Variants in GRIK2 observed in about 807,000 individuals in gnomAD.
The protein encoded by GRIK2 is glutamate receptor ionotropic, kainate 2.
Under a neutral mutation model 100.3 loss-of-function variants are expected in GRIK2, and 32 were observed. The ratio of observed to expected loss-of-function variants is 0.32; its 90% CI spans 0.24 to 0.43. The LOEUF is 0.43. GRIK2 is among the 20% of genes least tolerant of loss of function. The pLI is 1.00. For synonymous variants in GRIK2, 417 were observed against 389.4 expected (o/e 1.07, Z -0.83); for missense variants, 843 against 1,114.9 (o/e 0.76, Z 3.47).
chr6:102,014,594 T>G (rs1017325492), intron 14 of GRIK2, among the ~76,000 whole-genome samples: 15 of 151,382 alleles, frequency 9.9e-5, no homozygotes, highest in Admixed American at 9.2e-4. Context: ...TATAAATGTG[T>G]CCCAGAAATT....
In GRIK2 at chr6:101,565,917, ATATATATATATATATGTG is replaced by A. The variant is rs1271113309; in HGVS notation, c.116-56016_116-55999del. On this transcript the variant is annotated intron_variant, in intron 2 of 16. Coordinates refer to ENST00000369134, the MANE Select transcript of GRIK2 (RefSeq NM_021956.5). ...ATCTTTATCTTTATATACCTATTTT[ATATATATATATATATGTG>A]TATATATATATATATATATATATAA... Among the ~76,000 whole-genome samples the A allele has an allele frequency of 2.5e-3, 192 of 76,792 alleles. 5 individuals are homozygous for A. The highest frequency in any genetic ancestry group is 8.4e-3 in the African/African-American group (181 of 21,564). The allele number at this position is 76,792 out of a possible 152,430, so 50.4% of individuals were successfully genotyped here.
At chr6:102,010,313 C>T (rs1795460363) in intron 14 of GRIK2, among the ~76,000 whole-genome samples, 1 of 151,846 alleles carries the variant, frequency 6.6e-6, no homozygotes, top group South Asian at 2.1e-4. Flanking sequence ...TTTCACTGCC[C>T]TAATCCTGTG....
chr6:101,732,384 C>T (rs1396752888), intron 7 of GRIK2, among the ~76,000 whole-genome samples: 2 of 151,926 alleles, frequency 1.3e-5, no homozygotes, highest in African/African-American at 4.8e-5. Flanking sequence ...GAGATTTTTA[C>T]ATTAAGTGAT....
At chr6:101,811,356 A>C (rs1187776786) in intron 9 of GRIK2, among the ~76,000 whole-genome samples, 1 of 152,042 alleles carries the variant, frequency 6.6e-6, no homozygotes, top group East Asian at 1.9e-4. Flanking sequence ...TTTCTTTTTT[A>C]CATTTTTACA....
chr6:101,706,710 G>A (rs373948509), intron 7 of GRIK2, among the ~76,000 whole-genome samples: 1 of 151,988 alleles, frequency 6.6e-6, no homozygotes. Context: ...TCTTAGCCAG[G>A]CCAATGGGGA....
At chr6:101,417,213 A>G (rs1776191141) in intron 2 of GRIK2, among the ~76,000 whole-genome samples, 2 of 152,170 alleles carry the variant, frequency 1.3e-5, no homozygotes, top group African/African-American at 2.4e-5. Flanking sequence ...ATTGCATGGG[A>G]AAAACATGCC....
At position 101,884,031 on chromosome 6, in the gene GRIK2, G is replaced by A. The variant is rs147678001; in HGVS notation, c.1525-5609G>A. Among the ~76,000 whole-genome samples, 7 of 152,228 alleles carry A rather than the reference G, an allele frequency of 4.6e-5. No homozygotes were observed. In the East Asian group the frequency reaches 1.4e-3, roughly 29 times the overall value. ...GAATGAAAATAGGGGACCAGTTGGA[G>A]TCCATTGTAAGAGTTCAGGCAATGT... On this transcript the variant is annotated intron_variant, in intron 11 of 16. Transcript: ENST00000369134.
At chr6:101,538,631 AC>A (rs1196676928) in intron 2 of GRIK2, among the ~76,000 whole-genome samples, 9 of 151,124 alleles carry the variant, frequency 6.0e-5, no homozygotes, top group Admixed American at 4.6e-4. Context: ...TTTAAATTCA[AC>A]CCTGCTTGTA....
intron 10 of GRIK2, among the ~76,000 whole-genome samples, chr6:101,831,014 G>GATACC (rs1296037731): frequency 6.6e-6 from 1 of 151,984 alleles, no homozygotes. Context: ...CATCCTATTG[G>GATACC]ATACCACATT....
chr6:101,834,173 T>C (rs1782896047), intron 10 of GRIK2, among the ~76,000 whole-genome samples: 1 of 152,118 alleles, frequency 6.6e-6, no homozygotes, highest in Non-Finnish European at 1.5e-5. Flanking sequence ...ATAAATTTTA[T>C]AATCTCAATT....
intron 3 of GRIK2, among the ~76,000 whole-genome samples, chr6:101,623,744 G>A (rs1028614829): frequency 1.3e-5 from 2 of 152,066 alleles, no homozygotes; most frequent in African/African-American, 4.8e-5. Context: ...AAAACTCACT[G>A]GGAATCAAAT....
intron 15 of GRIK2, among the ~76,000 whole-genome samples, chr6:102,053,794 T>C (rs1458171897): frequency 6.6e-6 from 1 of 152,084 alleles, no homozygotes; most frequent in East Asian, 1.9e-4. Context: ...TTGTAATGTA[T>C]TTAGGAAAAT....
At chr6:102,049,435 G>T (rs990342959) in intron 15 of GRIK2, among the ~76,000 whole-genome samples, 3 of 152,092 alleles carry the variant, frequency 2.0e-5, no homozygotes, top group East Asian at 1.9e-4. Flanking sequence ...TAAAAGAAAA[G>T]AATTTATGGG....
At chr6:101,819,615 C>T (rs1482864825) in intron 10 of GRIK2, among the ~76,000 whole-genome samples, 1 of 152,142 alleles carries the variant, frequency 6.6e-6, no homozygotes, top group Non-Finnish European at 1.5e-5. Context: ...AGATAACTCC[C>T]ATACCCACCA....
At chr6:102,030,801 G>A (rs1219831897) in intron 14 of GRIK2, among the ~76,000 whole-genome samples, 2 of 150,674 alleles carry the variant, frequency 1.3e-5, no homozygotes, top group Non-Finnish European at 3.0e-5. Flanking sequence ...TCCACGACTT[G>A]GTCAATTGTA....
chr6:101,617,816 G>C (rs1290979879), intron 2 of GRIK2, among the ~76,000 whole-genome samples: 1 of 151,578 alleles, frequency 6.6e-6, no homozygotes, highest in Non-Finnish European at 1.5e-5. Flanking sequence ...TTCTTTAAAA[G>C]AGAAGTCTTT....
At chr6:101,756,384 T>C (rs1222270342) in intron 7 of GRIK2, among the ~76,000 whole-genome samples, 1 of 143,020 alleles carries the variant, frequency 7.0e-6, no homozygotes, top group Non-Finnish European at 1.5e-5. Flanking sequence ...TCTACATTTA[T>C]AATCTACATT....
chr6:101,697,335 G>C (rs955158114), intron 7 of GRIK2, among the ~76,000 whole-genome samples: 1 of 140,622 alleles, frequency 7.1e-6, no homozygotes, highest in Admixed American at 7.0e-5. Context: ...GATACTTAGG[G>C]TGTACGTGTG....
chr6:101,748,170 CA>C (rs1188012629), intron 7 of GRIK2, among the ~76,000 whole-genome samples: 1 of 152,120 alleles, frequency 6.6e-6, no homozygotes, highest in East Asian at 1.9e-4. Context: ...GATATTCATG[CA>C]GTCAAATTAA....
Sources: allele counts gnomAD v4.1 joint callset (sites outside exome capture counted in the v4.1 genomes callset), GRCh38; gene constraint gnomAD v4.1.1; transcripts MANE v1.5; gene names NCBI Gene and HGNC (gene_info 2026-07-23, HGNC 2026-07-21).